Variants in ZNF468 observed in about 807,000 individuals in gnomAD.
The protein encoded by ZNF468 is zinc finger protein ZNF468.
Under a neutral mutation model 7.2 loss-of-function variants are expected in ZNF468, and 8 were observed. The observed-to-expected ratio is 1.11, with a 90% CI of 0.65 to 2.01. The LOEUF is 2.01. Among genes scored for constraint, ZNF468 ranks in the 30% most tolerant of loss-of-function variants. The pLI is 0.00. For synonymous variants in ZNF468, 218 were observed against 214.4 expected, an observed-to-expected ratio of 1.02 and a Z score of -0.15; for missense variants, 608 against 626.5, an observed-to-expected ratio of 0.97 and a Z score of 0.31.
At chr19:52,856,063 A>G (rs2147749006) in intron 1 of ZNF468, among the ~76,000 whole-genome samples, 2 of 152,336 alleles carry the variant, frequency 1.3e-5, no homozygotes, top group Middle Eastern at 3.4e-3. Flanking sequence ...AATTCTTTTG[A>G]AAGGTTCTGA....
intron 3 of ZNF468, among the ~76,000 whole-genome samples, chr19:52,845,729 G>A (rs935175253): frequency 6.6e-6 from 1 of 152,108 alleles, no homozygotes; most frequent in Admixed American, 6.6e-5. Context: ...AACAGTCTAG[G>A]TGTGGTCGTT....
chr19:52,842,443 T>G (rs1028623027), intron 3 of ZNF468, among the ~76,000 whole-genome samples: 10 of 152,106 alleles, frequency 6.6e-5, no homozygotes, highest in African/African-American at 2.4e-4. Flanking sequence ...CCCTAAAGTG[T>G]GTCACACTGT....
At position 52,840,336 on chromosome 19, in the gene ZNF468, A is replaced by C. The variant is rs2063284279; in HGVS notation, c.*389T>G. ...TACAAGGTGTGAATTTTGACCTTTT[A>C]ATTACAAGGTGTGAATTTTGACCAA... On this transcript the variant is annotated 3_prime_UTR_variant, in exon 4 of 4. Transcript: ENST00000595646. 1 of 438,122 alleles carries C rather than the reference A, an allele frequency of 2.3e-6. No homozygotes were observed. The highest frequency in any genetic ancestry group is 4.4e-6 in the Non-Finnish European group (1 of 227,182). 27.1% of individuals were successfully genotyped at this position (438,122 alleles called of 1,614,324 possible).
chr19:52,853,909 G>T (rs753906099), intron 2 of ZNF468: 1 of 1,307,334 alleles, frequency 7.6e-7, no homozygotes, highest in Non-Finnish European at 9.7e-7. Context: ...ACTCCCATTG[G>T]CAGCTGCTCC....
intron 2 of ZNF468, among the ~76,000 whole-genome samples, chr19:52,850,287 C>T (rs746759759): frequency 6.6e-6 from 1 of 152,074 alleles, no homozygotes; most frequent in Non-Finnish European, 1.5e-5. Flanking sequence ...ATCCTAGAAG[C>T]AGTAATCACC....
intron 2 of ZNF468, among the ~76,000 whole-genome samples, chr19:52,852,966 T>C (rs2063402878): frequency 6.6e-6 from 1 of 151,824 alleles, no homozygotes; most frequent in African/African-American, 2.4e-5. Flanking sequence ...GTCATTCTCC[T>C]GCCTCAGCCT....
chr19:52,857,392 C>T (rs1161751303), intron 1 of ZNF468, among the ~76,000 whole-genome samples, 180 bp downstream of exon 1: 6 of 152,236 alleles, frequency 3.9e-5, no homozygotes, highest in Non-Finnish European at 8.8e-5. Flanking sequence ...GGACCAGCCT[C>T]AGGGCGACTT....
At position 52,841,575 on chromosome 19, in the gene ZNF468, T is replaced by C. The variant is rs768242928; in HGVS notation, c.719A>G (p.Glu240Gly). ...LKKHQIIHLEEKQCKCDVCGK... is the reference protein window; with the variant it reads ...LKKHQIIHLEGKQCKCDVCGK... ...ACATACATCACATTTACATTGTTTC[T>C]CTTCTAAGTGAATTATCTGATGTTT... The change falls in exon 4 of 4, where the codon GAG becomes GGG. Residue 240 changes from glutamate to glycine, a missense_variant. Physicochemically the swap from Glu to Gly is moderately conservative, Grantham distance 98. Coordinates refer to ENST00000595646, the MANE Select transcript of ZNF468 (RefSeq NM_001008801.2). 1 of 1,614,122 alleles carries C rather than the reference T, an allele frequency of 6.2e-7. No homozygotes were observed. Among genetic ancestry groups the C allele is most frequent in the South Asian group, 1.1e-5 (1 of 91,062 alleles).
chr19:52,856,792 C>T (rs989970985), intron 1 of ZNF468, among the ~76,000 whole-genome samples: 1 of 151,796 alleles, frequency 6.6e-6, no homozygotes, highest in Non-Finnish European at 1.5e-5. Flanking sequence ...TTTGCTGTCT[C>T]TTGGCAAATC....
rs192701304 is a variant in ZNF468 at position 52,854,540 on chromosome 19, G to T, written c.-73-195C>A. Among the ~76,000 whole-genome samples the T allele has an allele frequency of 1.4e-3, 208 of 152,184 alleles. 2 individuals carry two copies. The highest frequency in any genetic ancestry group is 2.5e-3 in the Non-Finnish European group (170 of 68,006). On this transcript the variant is annotated intron_variant, in intron 1 of 3. Coordinates refer to ENST00000595646, the MANE Select transcript of ZNF468 (RefSeq NM_001008801.2). ...AGCCCACACACACGCTGCAGCAGTG[G>T]GGAGCTGGGCTGGGATGAGCTCCCC...
intron 1 of ZNF468, among the ~76,000 whole-genome samples, chr19:52,855,877 A>C (rs2147748673): frequency 6.6e-6 from 1 of 152,366 alleles, no homozygotes; most frequent in East Asian, 1.9e-4. Context: ...AGGGAGGTTC[A>C]CTGGGGCTCA....
At chr19:52,853,885 C>A in intron 2 of ZNF468, 3 of 1,269,498 alleles carry the variant, frequency 2.4e-6, no homozygotes, top group Non-Finnish European at 2.0e-6. Flanking sequence ...GTACTTCGTG[C>A]ATATTAATAC....
At chr19:52,853,599 G>A (rs1431448026) in intron 2 of ZNF468, among the ~76,000 whole-genome samples, 1 of 152,042 alleles carries the variant, frequency 6.6e-6, no homozygotes, top group African/African-American at 2.4e-5. Context: ...GCTGAGGCAG[G>A]AGAATCACTT....
rs778867669 is a variant in ZNF468 at position 52,841,705 on chromosome 19, G to A, written c.589C>T (p.Leu197Phe). 1 of 1,614,024 alleles carries A rather than the reference G, an allele frequency of 6.2e-7. No individual in the cohort carries two copies. Among genetic ancestry groups the A allele is most frequent in the East Asian group, 2.2e-5 (1 of 44,864 alleles). The change falls in exon 4 of 4, where the codon CTC becomes TTC. Residue 197 changes from leucine (L) to phenylalanine (F), a missense_variant. By Grantham distance (22) the Leu-to-Phe change is conservative (BLOSUM62 0). Coordinates refer to ENST00000595646, the MANE Select transcript of ZNF468 (RefSeq NM_001008801.2). ...TTTTGTGTGAGTAATGAAGAATGGA[G>A]GGAATTATTTCCATACTTATTAGAA... ...HISNKYGNNS[L>F]HSSLLTQKWE...
intron 3 of ZNF468, among the ~76,000 whole-genome samples, chr19:52,847,770 C>A (rs918602505): frequency 3.9e-5 from 6 of 152,160 alleles, no homozygotes; most frequent in Admixed American, 3.9e-4. Context: ...ATTCATGATA[C>A]AAATTCCTTT....
chr19:52,839,156 G>A lies in ZNF468; in HGVS notation c.*1569C>T. The A allele has an allele frequency of 6.4e-6, 1 of 155,936 alleles. No individual in the cohort carries two copies. The allele number at this position is 155,936 out of a possible 1,614,324, so 9.7% of individuals were successfully genotyped here. ...AGTGTCAGCTACTTGGGAGACTGAG[G>A]CAGGAGAATTGCTTGAACCTGGGAG... On this transcript the variant is annotated 3_prime_UTR_variant, in exon 4 of 4. Coordinates refer to ENST00000595646, the MANE Select transcript of ZNF468 (RefSeq NM_001008801.2).
At chr19:52,842,215 G>A in intron 3 of ZNF468, 64 bp from the exon 4 acceptor site, 1 of 1,328,560 alleles carries the variant, frequency 7.5e-7, no homozygotes, top group Non-Finnish European at 1.0e-6. Flanking sequence ...ACTGAAATGT[G>A]TAAATATCAC....
chr19:52,855,828 G>T (rs1402725530), intron 1 of ZNF468, among the ~76,000 whole-genome samples: 4 of 152,348 alleles, frequency 2.6e-5, no homozygotes, highest in Non-Finnish European at 5.9e-5. Context: ...GATCACTCAG[G>T]TTGAGCTTTT....
intron 3 of ZNF468, chr19:52,846,688 T>G (rs2063344164): frequency 6.5e-6 from 1 of 153,956 alleles, no homozygotes. Context: ...TACAAAGAAC[T>G]AAAAGACCAA....
Sources: allele counts gnomAD v4.1 joint callset (sites outside exome capture counted in the v4.1 genomes callset), GRCh38; gene constraint gnomAD v4.1.1; transcripts MANE v1.5; gene names NCBI Gene and HGNC (gene_info 2026-07-23, HGNC 2026-07-21).